DAOA: variants seen among roughly 807,000 people sequenced by gnomAD.
DAOA encodes D-amino acid oxidase activator, also known as D-amino acid oxidase regulator.
Under a neutral mutation model 16.4 loss-of-function variants are expected in DAOA, and 15 were observed. That is an observed-to-expected ratio of 0.91 (90% CI 0.61 to 1.41). The LOEUF is 1.41. Among genes scored for constraint, DAOA ranks in the 40% most tolerant of loss-of-function variants. The probability of loss-of-function intolerance (pLI) is 0.00; values close to 1 mark genes in which losing one functional copy is unlikely to be tolerated. For synonymous variants in DAOA, 75 were observed against 59.1 expected, an observed-to-expected ratio of 1.27 and a Z score of -1.23; for missense variants, 230 against 176.8, an observed-to-expected ratio of 1.30 and a Z score of -1.71.
At chr13:105,480,922 C>T (rs1289381605) in intron 4 of DAOA, among the ~76,000 whole-genome samples, 1 of 152,202 alleles carries the variant, frequency 6.6e-6, no homozygotes, top group South Asian at 2.1e-4. Context: ...ACTCAGTCCA[C>T]TGACGCAGAT....
intron 4 of DAOA, among the ~76,000 whole-genome samples, chr13:105,481,306 A>G (rs149440385): frequency 5.8e-4 from 89 of 152,248 alleles, no homozygotes; most frequent in African/African-American, 1.9e-3. Context: ...TGCCATTATC[A>G]TCCCACTTTA....
At chr13:105,483,958 C>T (rs74515157) in intron 4 of DAOA, among the ~76,000 whole-genome samples, 8,921 of 152,094 alleles carry the variant, frequency 0.059, 322 homozygotes, top group East Asian at 0.18. Context: ...CTTTACTTAA[C>T]GCTAATTGAC....
chr13:105,468,689 T>G (rs185159121), intron 3 of DAOA, among the ~76,000 whole-genome samples: 9 of 152,352 alleles, frequency 5.9e-5, no homozygotes. Flanking sequence ...TTGAAAGGCA[T>G]GCAGTATGTT....
chr13:105,482,797 C>T (rs923676259), intron 4 of DAOA, among the ~76,000 whole-genome samples: 3 of 152,054 alleles, frequency 2.0e-5, no homozygotes, highest in African/African-American at 7.2e-5. Context: ...TGAGCCACTG[C>T]TCCTGGCCAG....
chr13:105,483,961 T>G (rs1877932867), intron 4 of DAOA, among the ~76,000 whole-genome samples: 1 of 152,170 alleles, frequency 6.6e-6, no homozygotes, highest in Non-Finnish European at 1.5e-5. Flanking sequence ...TACTTAACGC[T>G]AATTGACACT....
At chr13:105,479,292 G>A (rs1877549664) in intron 4 of DAOA, among the ~76,000 whole-genome samples, 1 of 152,146 alleles carries the variant, frequency 6.6e-6, no homozygotes, top group Non-Finnish European at 1.5e-5. Context: ...GTGTAAGAAT[G>A]CTAGAAGGTC....
At chr13:105,475,233 A>C (rs1437534089) in intron 4 of DAOA, among the ~76,000 whole-genome samples, 1 of 152,156 alleles carries the variant, frequency 6.6e-6, no homozygotes, top group Non-Finnish European at 1.5e-5. Context: ...AATTGGATCC[A>C]TGAATGCAGA....
chr13:105,489,361 G>A (rs1878348706), intron 4 of DAOA, among the ~76,000 whole-genome samples: 1 of 152,074 alleles, frequency 6.6e-6, no homozygotes, highest in African/African-American at 2.4e-5. Flanking sequence ...TGAAAAATTA[G>A]GTTTAATAAT....
chr13:105,480,372 T>G (rs1459970318), intron 4 of DAOA, among the ~76,000 whole-genome samples: 3 of 152,176 alleles, frequency 2.0e-5, no homozygotes, highest in Middle Eastern at 3.4e-3. Context: ...TTTTGGTTCC[T>G]AAGAGTCATT....
chr13:105,466,252 C>A lies in DAOA; in HGVS notation c.-37C>A. The A allele has an allele frequency of 6.2e-7, 1 of 1,613,604 alleles. No homozygotes were observed. Among genetic ancestry groups the A allele is most frequent in the Non-Finnish European group, 8.5e-7 (1 of 1,179,706 alleles). On this transcript the variant is annotated 5_prime_UTR_variant, in exon 2 of 6. The change creates a premature stop within an existing upstream ORF in the 5' untranslated region. Transcript: ENST00000375936. ...GGCATGGCAGGAGGTCTCATCTCTG[C>A]TTCACAATGCCGATGATTTAGCTGG...
At chr13:105,488,117 T>C (rs1482441843) in intron 4 of DAOA, among the ~76,000 whole-genome samples, 12 of 152,192 alleles carry the variant, frequency 7.9e-5, no homozygotes, top group Admixed American at 7.9e-4. Flanking sequence ...CTTCTAAAAA[T>C]GTAAAAAGTC....
chr13:105,470,326 T>C (rs1405855976), intron 3 of DAOA, among the ~76,000 whole-genome samples: 1 of 152,166 alleles, frequency 6.6e-6, no homozygotes, highest in Non-Finnish European at 1.5e-5. Flanking sequence ...TTTCTCTGTG[T>C]AGCCATGCTG....
In DAOA at chr13:105,467,524, C is replaced by T. The variant is rs111835488; in HGVS notation, c.133+383C>T. ...ACTTTTAAATATCTATAGGCGCAAACCCAAGCTAGGTCTCACACAGTGCCT... is the reference window on the plus strand; with the variant it reads ...ACTTTTAAATATCTATAGGCGCAAATCCAAGCTAGGTCTCACACAGTGCCT... On this transcript the variant is annotated intron_variant, in intron 3 of 5. Coordinates refer to ENST00000375936, the MANE Select transcript of DAOA (RefSeq NM_172370.5). The T allele has an allele frequency of 8.4e-3, 1,319 of 157,832 alleles. 11 individuals are homozygous for T. The highest frequency in any genetic ancestry group is 0.03 in the African/African-American group (1,244 of 41,684). The allele number at this position is 157,832 out of a possible 1,614,324, so 9.8% of individuals were successfully genotyped here. A position where few individuals can be genotyped will look rare whatever the true frequency, so the allele number is the denominator to read the frequency against.
chr13:105,466,121 T>C, intron 1 of DAOA, 61 bp downstream of exon 1: 2 of 968,358 alleles, frequency 2.1e-6, no homozygotes, highest in Non-Finnish European at 3.0e-6. Flanking sequence ...TGCATGGCAG[T>C]GTTCTGATGA....
chr13:105,489,382 C>G (rs1253249570), intron 4 of DAOA, among the ~76,000 whole-genome samples: 6 of 152,176 alleles, frequency 3.9e-5, no homozygotes, highest in Admixed American at 1.3e-4. Context: ...TAAATTTACT[C>G]ATTTCAAAGC....
intron 4 of DAOA, among the ~76,000 whole-genome samples, chr13:105,473,825 G>T (rs1877158800): frequency 6.6e-6 from 1 of 152,074 alleles, no homozygotes. Flanking sequence ...TCAATCTAGA[G>T]TTCCAATCAG....
chr13:105,472,759 C>A, intron 4 of DAOA, 74 bp downstream of exon 4: 1 of 1,355,916 alleles, frequency 7.4e-7, no homozygotes, highest in South Asian at 1.5e-5. Context: ...ACGAAAGCAA[C>A]TTCTCTGGGC....
chr13:105,471,678 CAA>C lies in DAOA; in HGVS notation c.134-859_134-858del, dbSNP rs570286447. ...AAGAGAAACAATAAGATGTTACAAC[CAA>C]TTCAAAGGCAAATTTAAAATCATCT... is the stretch of plus-strand genomic sequence containing the variant. On this transcript the variant is annotated intron_variant, in intron 3 of 5. Coordinates refer to ENST00000375936, the MANE Select transcript of DAOA (RefSeq NM_172370.5). 2.3e-4 allele frequency among the ~76,000 whole-genome samples: 35 copies of C among 152,236 alleles called. No individual in the cohort carries two copies. In the South Asian group the frequency reaches 7.2e-3, roughly 32 times the overall value.
intron 4 of DAOA, among the ~76,000 whole-genome samples, chr13:105,481,081 T>G (rs2139192328): frequency 6.6e-6 from 1 of 152,326 alleles, no homozygotes; most frequent in African/African-American, 2.4e-5. Context: ...CTCCACATGT[T>G]AATCTAGTAA....
Sources: gnomAD v4.1 joint callset for allele counts (sites outside exome capture counted in the v4.1 genomes callset) on GRCh38, gnomAD v4.1.1 for gene constraint, MANE v1.5 for transcripts, NCBI Gene and HGNC (gene_info 2026-07-23, HGNC 2026-07-21) for gene names.